ETFA: variants seen among roughly 807,000 people sequenced by gnomAD.
ETFA encodes the protein electron transfer flavoprotein subunit alpha, mitochondrial.
A neutral mutation model predicts 46.2 loss-of-function variants in ETFA; 22 were observed. The ratio of observed to expected loss-of-function variants is 0.48; its 90% CI spans 0.34 to 0.68. The LOEUF is 0.68. ETFA is among the 30% of genes least tolerant of loss of function. ETFA has a pLI of 0.01. For synonymous variants in ETFA, 131 were observed against 139.9 expected, an observed-to-expected ratio of 0.94 and a Z score of 0.45; for missense variants, 345 against 401.1, an observed-to-expected ratio of 0.86 and a Z score of 1.19.
intron 9 of ETFA, among the ~76,000 whole-genome samples, chr15:76,271,126 C>T (rs1164478346): frequency 6.8e-6 from 1 of 146,882 alleles, no homozygotes; most frequent in African/African-American, 2.5e-5. Context: ...GCCGAGATCA[C>T]ACCACTGCAC....
At chr15:76,266,521 G>A (rs1246429978) in intron 9 of ETFA, among the ~76,000 whole-genome samples, 1 of 152,190 alleles carries the variant, frequency 6.6e-6, no homozygotes, top group African/African-American at 2.4e-5. Flanking sequence ...ATGCGGCAGG[G>A]TTAATTATAG....
chr15:76,248,319 G>A (rs1385785422), intron 9 of ETFA, among the ~76,000 whole-genome samples: 2 of 152,096 alleles, frequency 1.3e-5, no homozygotes, highest in African/African-American at 4.8e-5. Flanking sequence ...TGGTGCTGAG[G>A]TACCTGATTA....
chr15:76,297,222 C>T (rs1347229663), intron 1 of ETFA, among the ~76,000 whole-genome samples: 5 of 152,094 alleles, frequency 3.3e-5, no homozygotes, highest in Non-Finnish European at 7.4e-5. Flanking sequence ...AAAGCAAATA[C>T]CATACCTGTT....
intron 11 of ETFA, among the ~76,000 whole-genome samples, chr15:76,220,837 T>C (rs2038949758): frequency 6.6e-6 from 1 of 152,138 alleles, no homozygotes. Context: ...CATACATTAA[T>C]GAGTATATAG....
rs769824461 is a variant in ETFA, at chr15:76,283,787, A to G, written c.703T>C (p.Tyr235His). The G allele has an allele frequency of 1.1e-5, 17 of 1,612,274 alleles. No individual in the cohort carries two copies. The highest frequency in any genetic ancestry group is 2.2e-5 in the East Asian group (1 of 44,824). ...LKSGENFKLL[Y>H]DLADQLHAAV... ...GCATGTAGTTGATCTGCCAAGTCAT[A>G]TAACAACTTAAAGTTCTCTCCACTC... The change falls in exon 8 of 12, where the codon TAT becomes CAT. Residue 235 changes from tyrosine to histidine, a missense_variant. Transcript: ENST00000557943.
rs2039810121 is a variant in ETFA at position 76,295,615 on chromosome 15, TA to T, written c.161del (p.Leu54Ter). On this transcript the variant is annotated frameshift_variant, in exon 2 of 12. Transcript: ENST00000557943. LOFTEE classifies it high-confidence loss of function. ...CCTTGTCACATTTGGTTCCAGCTACTAAGCAGGACACTTCACCTCCAAGGCG... is the reference window on the plus strand; with the variant it reads ...CCTTGTCACATTTGGTTCCAGCTACTAGCAGGACACTTCACCTCCAAGGCG... ...ATRLGGEVSC[L>X]VAGTKCDKVA... 3.7e-6 allele frequency: 6 copies of T among 1,613,528 alleles called. No individual in the cohort carries two copies. The highest frequency in any genetic ancestry group is 5.1e-6 in the Non-Finnish European group (6 of 1,179,618).
chr15:76,271,859 T>A (rs1221732450), intron 9 of ETFA, among the ~76,000 whole-genome samples: 2 of 151,948 alleles, frequency 1.3e-5, no homozygotes, highest in South Asian at 4.2e-4. Context: ...TGTACATACA[T>A]AAATTACGTG....
At chr15:76,228,101 T>C (rs974666778) in intron 10 of ETFA, 6 of 389,398 alleles carry the variant, frequency 1.5e-5, no homozygotes, top group Non-Finnish European at 2.6e-5. Flanking sequence ...TTATTGATGG[T>C]AAATTATTCT....
At chr15:76,286,014 C>G (rs957643405) in intron 6 of ETFA, among the ~76,000 whole-genome samples, 1 of 152,138 alleles carries the variant, frequency 6.6e-6, no homozygotes, top group East Asian at 1.9e-4. Context: ...AAATAAGACA[C>G]TATATATGTT....
At chr15:76,224,393 G>A (rs2038984816) in intron 11 of ETFA, among the ~76,000 whole-genome samples, 1 of 152,218 alleles carries the variant, frequency 6.6e-6, no homozygotes, top group Non-Finnish European at 1.5e-5. Flanking sequence ...CTCTTTGGCG[G>A]GGGCCTTCTG....
At chr15:76,272,494 A>T (rs1177956131) in intron 9 of ETFA, among the ~76,000 whole-genome samples, 1 of 152,146 alleles carries the variant, frequency 6.6e-6, no homozygotes, top group Non-Finnish European at 1.5e-5. Context: ...TGCTGGGATT[A>T]CAGGCTTGAG....
At chr15:76,254,673 C>T (rs2039332245) in intron 9 of ETFA, among the ~76,000 whole-genome samples, 1 of 152,024 alleles carries the variant, frequency 6.6e-6, no homozygotes, top group African/African-American at 2.4e-5. Flanking sequence ...AATGGAGTTT[C>T]CCAGAGGTGC....
At chr15:76,309,224 C>T (rs1490490604) in intron 1 of ETFA, among the ~76,000 whole-genome samples, 1 of 152,066 alleles carries the variant, frequency 6.6e-6, no homozygotes, top group Non-Finnish European at 1.5e-5. Flanking sequence ...CCAAGGCGGG[C>T]GGATCATGAG....
At chr15:76,222,897 T>C (rs2038971646) in intron 11 of ETFA, among the ~76,000 whole-genome samples, 1 of 151,796 alleles carries the variant, frequency 6.6e-6, no homozygotes, top group African/African-American at 2.4e-5. Context: ...TGCAGTGGTG[T>C]AATCATGGCT....
intron 2 of ETFA, among the ~76,000 whole-genome samples, chr15:76,295,313 G>A (rs561081661): frequency 2.1e-4 from 32 of 152,288 alleles, no homozygotes; most frequent in South Asian, 1.5e-3. Context: ...TAACCTCTAA[G>A]GGGACTCAAA....
chr15:76,265,067 C>T (rs1248207801), intron 9 of ETFA, among the ~76,000 whole-genome samples: 3 of 152,212 alleles, frequency 2.0e-5, no homozygotes, highest in Non-Finnish European at 4.4e-5. Flanking sequence ...AACAAACATA[C>T]AGCTGTCCCC....
chr15:76,228,288 G>A, intron 10 of ETFA: 1 of 307,382 alleles, frequency 3.3e-6, no homozygotes, highest in South Asian at 3.0e-5. Context: ...GGGCTCAAGT[G>A]ATCCTCCCAC....
intron 9 of ETFA, among the ~76,000 whole-genome samples, chr15:76,234,469 A>G (rs1293905856): frequency 6.6e-6 from 1 of 152,204 alleles, no homozygotes; most frequent in Admixed American, 6.5e-5. Context: ...CCCTTCCCTG[A>G]GGCACTTTCC....
intron 9 of ETFA, among the ~76,000 whole-genome samples, chr15:76,272,633 T>C (rs866541270): frequency 2.6e-5 from 4 of 152,024 alleles, no homozygotes; most frequent in African/African-American, 9.7e-5. Context: ...CCACAAATAA[T>C]GTGTGTGCCA....
Sources: allele counts gnomAD v4.1 joint callset (sites outside exome capture counted in the v4.1 genomes callset), GRCh38; gene constraint gnomAD v4.1.1; transcripts MANE v1.5; gene names NCBI Gene and HGNC (gene_info 2026-07-23, HGNC 2026-07-21).